TTN: variants seen among roughly 807,000 people sequenced by gnomAD.
The protein encoded by TTN is connectin.
Under a neutral mutation model 3,223.0 loss-of-function variants are expected in TTN, and 1,525 were observed. That is an observed-to-expected ratio of 0.47 (90% CI 0.45 to 0.49). The LOEUF is 0.49. TTN is among the 20% of genes least tolerant of loss of function. The pLI, the probability that TTN is intolerant of heterozygous loss-of-function variation, is 0.00. For synonymous variants in TTN, 14,094 were observed against 15,161.0 expected, an observed-to-expected ratio of 0.93 and a Z score of 5.17; for missense variants, 40,786 against 43,424.0, an observed-to-expected ratio of 0.94 and a Z score of 5.40.
At position 178,739,416 on chromosome 2, in the gene TTN, G is replaced by A; in HGVS notation, c.13817C>T (p.Pro4606Leu). The change falls in exon 48 of 363, where the codon CCC becomes CTC. Residue 4606 changes from proline to leucine, a missense_variant. Pro to Leu is a moderately conservative substitution (Grantham distance 98). Coordinates refer to ENST00000589042, the MANE Select transcript of TTN (RefSeq NM_001267550.2). The part of the protein sequence containing the change: ...AEGGLIKEDG[P>L]MIHTPLVDTV... ...GTCCACTAAAGGTGTATGTATCATG[G>A]GGCCATCCTCTTTGATTAAGCCACC... 6.2e-7 allele frequency: 1 copy of A among 1,613,694 alleles called. No homozygotes were observed. Among genetic ancestry groups the A allele is most frequent in the South Asian group, 1.1e-5 (1 of 91,064 alleles).
At position 178,565,975 on chromosome 2, in the gene TTN, C is replaced by T. The variant is rs1227077893; in HGVS notation, c.80157G>A (p.Val26719=). ...IDGGAKVKNY[V]IDKRESTRKA... ...TTCTGGTTGACTCACGTTTGTCAAT[C>T]ACATAGTTCTTGACCTTTGCCCCTC... The change falls in exon 326 of 363, where the codon GTG becomes GTA. Residue 26719 remains valine (V), a synonymous_variant. Transcript: ENST00000589042. The T allele has an allele frequency of 6.2e-7, 1 of 1,613,498 alleles. No homozygotes were observed. Among genetic ancestry groups the T allele is most frequent in the African/African-American group, 1.3e-5 (1 of 74,898 alleles).
chr2:178,602,259 A>G, intron 283 of TTN, 23 bp downstream of exon 283: 1 of 1,608,334 alleles, frequency 6.2e-7, no homozygotes, highest in South Asian at 1.1e-5. Context: ...AGAGGAATAC[A>G]TAAACTGAGT....
intron 273 of TTN, 30 bp downstream of exon 273, chr2:178,609,177 TC>T: frequency 6.8e-7 from 1 of 1,464,096 alleles, no homozygotes; most frequent in Non-Finnish European, 9.0e-7. Flanking sequence ...AAAACCTTTT[TC>T]CATTGGAAAG....
At chr2:178,763,933 A>AG (rs2089848012) in intron 43 of TTN, among the ~76,000 whole-genome samples, 1 of 34,954 alleles carries the variant, frequency 2.9e-5, no homozygotes, top group Non-Finnish European at 8.3e-5. Flanking sequence ...GAAAAACACT[A>AG]ATTTTTTTAT....
chr2:178,637,538 G>A, intron 223 of TTN, 119 bp from the exon 224 acceptor site: 1 of 501,826 alleles, frequency 2.0e-6, no homozygotes, highest in Non-Finnish European at 3.1e-6. Flanking sequence ...AGAGAAATTG[G>A]TTTCATTTAT....
Position 178,540,189 on chromosome 2 carries a change from C to T in TTN, c.97977G>A (p.Glu32659=). The change falls in exon 351 of 363, where the codon GAG becomes GAA. Residue 32659 remains glutamate, a synonymous_variant. Transcript: ENST00000589042. ...CCTGAGGTAGGTGTGTTAGAGTATA[C>T]TCTCGAATCTTGGTTGGAGTGGTGT... ...KCNTTPTKIR[E]YTLTHLPQGA... 1 of 1,613,836 alleles carries T rather than the reference C, an allele frequency of 6.2e-7. No individual in the cohort carries two copies. Among genetic ancestry groups the T allele is most frequent in the Non-Finnish European group, 8.5e-7 (1 of 1,179,786 alleles).
At position 178,610,113 on chromosome 2, in the gene TTN, G is replaced by C; in HGVS notation, c.51413C>G (p.Pro17138Arg). Reference sequence around the variant, plus strand: ...ACGCTTTGGATCTTGAGCAATGACTGGATTTTTCAGTTCAATATATTCTCC... The same window carrying C: ...ACGCTTTGGATCTTGAGCAATGACTCGATTTTTCAGTTCAATATATTCTCC... The part of the protein sequence containing the change: ...GGGEYIELKN[P>R]VIAQDPKQPP... Residue 17138 changes from proline (P) to arginine (R), a missense_variant, in exon 271 of 363, where the codon CCA (proline) becomes CGA (arginine). Transcript: ENST00000589042. The C allele has an allele frequency of 6.2e-7, 1 of 1,612,794 alleles. No homozygotes were observed.
Position 178,647,165 on chromosome 2 carries a change from T to G in TTN, c.40142-21A>C, listed in dbSNP as rs77497147. 2.1e-3 allele frequency: 2,830 copies of G among 1,319,258 alleles called. 53 individuals are homozygous for G. The East Asian group carries it at 0.031, about 15-fold the overall frequency. The allele number at this position is 1,319,258 out of a possible 1,614,324, so 81.7% of individuals were successfully genotyped here. Reference sequence around the variant, plus strand: ...TTCAACTTTAAAAAACATAGTATTTTATTTTAGACTATATTTAGAACAGAA... The same window carrying G: ...TTCAACTTTAAAAAACATAGTATTTGATTTTAGACTATATTTAGAACAGAA... On this transcript the variant is annotated intron_variant, in intron 214 of 362. Coordinates refer to ENST00000589042, the MANE Select transcript of TTN (RefSeq NM_001267550.2).
rs72650019 is a variant in TTN, at chr2:178,694,626, C to T, written c.31399G>A (p.Val10467Ile). 4,289 of 1,560,098 alleles carry T rather than the reference C, an allele frequency of 2.7e-3. 11 individuals carry two copies. The highest frequency in any genetic ancestry group is 3.4e-3 in the Non-Finnish European group (3,895 of 1,150,532). Reference sequence around the variant, plus strand: ...TTCACTTCAATAACTTCTTCCTGTACTGGAGTCCGGGAAGGTTTTTGTGGA... The same window carrying T: ...TTCACTTCAATAACTTCTTCCTGTATTGGAGTCCGGGAAGGTTTTTGTGGA... ...IVPQKPSRTP[V>I]QEEVIEVKVP... Residue 10467 changes from valine to isoleucine, a missense_variant, in exon 117 of 363, where the codon GTA becomes ATA. Coordinates refer to ENST00000589042, the MANE Select transcript of TTN (RefSeq NM_001267550.2).
At position 178,551,619 on chromosome 2, in the gene TTN, T is replaced by C; in HGVS notation, c.91270+11A>G. 1 of 1,545,672 alleles carries C rather than the reference T, an allele frequency of 6.5e-7. No homozygotes were observed. Among genetic ancestry groups the C allele is most frequent in the Non-Finnish European group, 8.7e-7 (1 of 1,148,558 alleles). On this transcript the variant is annotated intron_variant, in intron 335 of 362. Transcript: ENST00000589042. ...TGCTAAACTAAATGTATTTGAATAA[T>C]AATCACTTACCTACTGGAGAAACAG...
At chr2:178,672,746 T>C (rs745591351) in intron 152 of TTN, 43 bp from the exon 153 acceptor site, 16 of 1,487,752 alleles carry the variant, frequency 1.1e-5, no homozygotes, top group South Asian at 8.8e-5. Context: ...GAATGTTCAA[T>C]AACACACATG....
In TTN at chr2:178,578,870, G is replaced by A. The variant is rs397517673; in HGVS notation, c.68160C>T (p.Ala22720=). Residue 22720 remains alanine, a synonymous_variant, in exon 320 of 363, where the codon GCC becomes GCT. Transcript: ENST00000589042. The part of the protein sequence containing the change: ...EGMEYTFRVS[A]ENKYGVGEGL... ...CTTCCCCTACACCATATTTATTTTC[G>A]GCACTGACCCTGAAGGTATATTCCA... 3.0e-5 allele frequency: 49 copies of A among 1,612,938 alleles called. No individual in the cohort carries two copies. In the Admixed American group the frequency reaches 6.7e-4, roughly 22 times the overall value.
chr2:178,787,770 T>C (rs1183306495), intron 13 of TTN, among the ~76,000 whole-genome samples: 1 of 152,128 alleles, frequency 6.6e-6, no homozygotes, highest in Non-Finnish European at 1.5e-5. Context: ...GTCTGTTTTT[T>C]CCTTGAATTA....
chr2:178,722,009 T>C lies in TTN; in HGVS notation c.22654A>G (p.Asn7552Asp), dbSNP rs1171381654. 1 of 1,613,564 alleles carries C rather than the reference T, an allele frequency of 6.2e-7. No homozygotes were observed. Among genetic ancestry groups the C allele is most frequent in the South Asian group, 1.1e-5 (1 of 91,040 alleles). ...TTTCCTCCAGGACGGATCTCCTTGT[T>C]ATCTTTTGACCAAGTGATTCGCATC... ...QPMRITWSKD[N>D]KEIRPGGNYT... The change falls in exon 78 of 363, where the codon AAC becomes GAC. Residue 7552 changes from asparagine to aspartate, a missense_variant. By Grantham distance (23) the Asn-to-Asp change is conservative. Transcript: ENST00000589042.
intron 6 of TTN, among the ~76,000 whole-genome samples, chr2:178,798,063 A>T (rs947184135): frequency 6.6e-6 from 1 of 151,908 alleles, no homozygotes; most frequent in African/African-American, 2.4e-5. Flanking sequence ...ACTTGGATCT[A>T]TTATACTTGG....
chr2:178,574,424 G>A lies in TTN; in HGVS notation c.71708C>T (p.Ala23903Val). The stretch of plus-strand genomic sequence containing the variant: ...CTTACTTTTGCCTGCCATGTTTTCT[G>A]CAATCACCCGGAACTCATAAGCAAT... ...DGIAYEFRVIAENMAGKSKPS... is the reference protein window; with the variant it reads ...DGIAYEFRVIVENMAGKSKPS... The change falls in exon 326 of 363, where the codon GCA becomes GTA. Residue 23903 changes from alanine to valine, a missense_variant. Ala to Val is a moderately conservative substitution (Grantham distance 64, BLOSUM62 0). Coordinates refer to ENST00000589042, the MANE Select transcript of TTN (RefSeq NM_001267550.2). The A allele has an allele frequency of 1.2e-6, 2 of 1,613,486 alleles. No homozygotes were observed. The highest frequency in any genetic ancestry group is 1.7e-6 in the Non-Finnish European group (2 of 1,179,616).
At position 178,704,960 on chromosome 2, in the gene TTN, C is replaced by G. The variant is rs1180988449; in HGVS notation, c.29611G>C (p.Glu9871Gln). 1.2e-6 allele frequency: 2 copies of G among 1,612,308 alleles called. No homozygotes were observed. The highest frequency in any genetic ancestry group is 4.5e-5 in the East Asian group (2 of 44,842). Reference protein sequence around the residue: ...QEEETHRLEIEEIERSERDEK... With the variant: ...QEEETHRLEIQEIERSERDEK... ...TCCCTCTCTGACCTCTCTATTTCCT[C>G]AATTTCCTGAGAAGAACAAAAATGA... Residue 9871 changes from glutamate to glutamine, a missense_variant, in exon 104 of 363, where the codon GAG becomes CAG. By Grantham distance (29) the Glu-to-Gln change is conservative. Coordinates refer to ENST00000589042, the MANE Select transcript of TTN (RefSeq NM_001267550.2).
rs776392928 is a variant in TTN at position 178,609,420 on chromosome 2, G to C, written c.51890C>G (p.Ala17297Gly). The C allele has an allele frequency of 6.2e-7, 1 of 1,612,230 alleles. No homozygotes were observed. The highest frequency in any genetic ancestry group is 8.5e-7 in the Non-Finnish European group (1 of 1,179,004). Residue 17297 changes from alanine to glycine, a missense_variant, in exon 273 of 363, where the codon GCA (alanine) becomes GGA (glycine). Transcript: ENST00000589042. ...CTTCCTTCTCCTAACCAAGGGTGCT[G>C]CACGCTTCTTAATTTCCTCTGGTAC... ...VIVPEEIKKR[A>G]APLVRRRKGE...
chr2:178,541,130 G>T, intron 350 of TTN, 152 bp downstream of exon 350: 2 of 738,292 alleles, frequency 2.7e-6, no homozygotes, highest in South Asian at 3.9e-5. Flanking sequence ...GGAACTTTAC[G>T]GGGTAATAAA....
Sources: gnomAD v4.1 joint callset for allele counts (sites outside exome capture counted in the v4.1 genomes callset) on GRCh38, gnomAD v4.1.1 for gene constraint, MANE v1.5 for transcripts, NCBI Gene and HGNC (gene_info 2026-07-23, HGNC 2026-07-21) for gene names.